OPCML: variants seen among roughly 807,000 people sequenced by gnomAD.
OPCML encodes opioid-binding protein/cell adhesion molecule.
A neutral mutation model predicts 37.8 loss-of-function variants in OPCML; 13 were observed. The observed-to-expected ratio is 0.34, with a 90% CI of 0.22 to 0.55. The LOEUF (loss-of-function observed/expected upper bound fraction) is 0.55, where lower values mean the gene tolerates loss of function less well. OPCML is among the 20% of genes least tolerant of loss of function. The pLI is 0.91. For missense variants in OPCML, 341 were observed against 435.6 expected (o/e 0.78, Z 1.93); for synonymous variants, 176 against 168.8 (o/e 1.04, Z -0.33).
intron 2 of OPCML, among the ~76,000 whole-genome samples, chr11:132,925,285 C>A (rs1944949896): frequency 6.6e-6 from 1 of 152,240 alleles, no homozygotes; most frequent in Admixed American, 6.5e-5. Flanking sequence ...GATGTTTTCT[C>A]TGTCTCTTCG....
rs1565467410 is a variant in OPCML, at chr11:133,140,565, A to AAGAAGG, written c.62-197556_62-197555insCCTTCT. 4.1e-5 allele frequency among the ~76,000 whole-genome samples: 6 copies of AAGAAGG among 147,432 alleles called. No individual in the cohort carries two copies. In the East Asian group the frequency reaches 1.2e-3, roughly 29 times the overall value. ...GAAGAAGAAGAAGAAGAAGAAGAAG[A>AAGAAGG]AGAAGAAGAAGAAAGAAGAAAAAAG... On this transcript the variant is annotated intron_variant, in intron 1 of 7. Coordinates refer to ENST00000524381, the MANE Select transcript of OPCML (RefSeq NM_001012393.5).
chr11:132,527,533 T>C lies in OPCML; in HGVS notation c.505+1528A>G, dbSNP rs1591509170. On this transcript the variant is annotated intron_variant, in intron 4 of 7. Transcript: ENST00000524381. ...TGCCATTCATATACTGTATCTTCTT[T>C]TGGAATTGCCCATTTTTTTTTTCAG... is the stretch of plus-strand genomic sequence containing the variant. Among the ~76,000 whole-genome samples the C allele has an allele frequency of 2.0e-5, 3 of 152,304 alleles. No homozygotes were observed. The East Asian group carries it at 5.8e-4, about 29-fold the overall frequency.
chr11:133,162,781 C>A (rs1474733709), intron 1 of OPCML, among the ~76,000 whole-genome samples: 1 of 152,216 alleles, frequency 6.6e-6, no homozygotes, highest in African/African-American at 2.4e-5. Context: ...CATGCATACA[C>A]GGTTGTTTCC....
intron 1 of OPCML, among the ~76,000 whole-genome samples, chr11:133,253,682 A>G (rs1312395789): frequency 1.3e-5 from 2 of 152,256 alleles, no homozygotes; most frequent in Non-Finnish European, 2.9e-5. Flanking sequence ...TAAAAGTGCT[A>G]TTATATCACT....
intron 1 of OPCML, among the ~76,000 whole-genome samples, chr11:133,294,259 G>C (rs1942566017): frequency 6.6e-6 from 1 of 152,046 alleles, no homozygotes; most frequent in Non-Finnish European, 1.5e-5. Context: ...CATCTGCTGG[G>C]AGGCAATCAC....
chr11:132,451,693 G>A (rs1425605014), intron 4 of OPCML, among the ~76,000 whole-genome samples: 1 of 152,242 alleles, frequency 6.6e-6, no homozygotes, highest in East Asian at 1.9e-4. Context: ...CTCCATCTAG[G>A]GCCCTAAAAG....
intron 1 of OPCML, among the ~76,000 whole-genome samples, chr11:133,010,349 T>C (rs185597150): frequency 6.6e-6 from 1 of 152,234 alleles, no homozygotes; most frequent in African/African-American, 2.4e-5. Flanking sequence ...GGATAATTTG[T>C]GAATAAATGG....
intron 1 of OPCML, chr11:133,421,919 T>C (rs1384590094): frequency 2.5e-6 from 1 of 405,334 alleles, no homozygotes; most frequent in Non-Finnish European, 3.3e-6. Flanking sequence ...GCCTCCAATC[T>C]TGGGAGTAGG....
chr11:133,411,714 G>A (rs1208994887), intron 1 of OPCML, among the ~76,000 whole-genome samples: 1 of 152,174 alleles, frequency 6.6e-6, no homozygotes, highest in Non-Finnish European at 1.5e-5. Context: ...ATGAGCAAGT[G>A]CCAGGCTCAG....
At chr11:132,950,865 T>C (rs73026205) in intron 1 of OPCML, among the ~76,000 whole-genome samples, 2,009 of 152,294 alleles carry the variant, frequency 0.013, 18 homozygotes, top group Non-Finnish European at 0.019. Context: ...TCTAACATTG[T>C]TTGGAGATGA....
intron 1 of OPCML, among the ~76,000 whole-genome samples, chr11:133,137,904 A>G (rs1259684457): frequency 1.3e-5 from 2 of 152,226 alleles, no homozygotes; most frequent in Non-Finnish European, 2.9e-5. Context: ...ACAGCAAATT[A>G]CATGCACCAA....
chr11:132,830,012 T>C (rs1437472877), intron 2 of OPCML, among the ~76,000 whole-genome samples: 3 of 152,188 alleles, frequency 2.0e-5, no homozygotes, highest in Non-Finnish European at 4.4e-5. Flanking sequence ...GCATTTACTA[T>C]AGCACAATGA....
intron 2 of OPCML, among the ~76,000 whole-genome samples, chr11:132,787,976 G>T: frequency 6.6e-6 from 1 of 152,176 alleles, no homozygotes; most frequent in East Asian, 1.9e-4. Context: ...CGCCTCCTGG[G>T]TTCAAGCGCT....
At chr11:132,839,855 T>A (rs1941212394) in intron 2 of OPCML, among the ~76,000 whole-genome samples, 1 of 152,230 alleles carries the variant, frequency 6.6e-6, no homozygotes, top group African/African-American at 2.4e-5. Flanking sequence ...CAATTCTGTC[T>A]CTCCCTTCGT....
chr11:132,768,001 A>G (rs1281583653), intron 2 of OPCML, among the ~76,000 whole-genome samples: 2 of 152,188 alleles, frequency 1.3e-5, no homozygotes, highest in Non-Finnish European at 2.9e-5. Flanking sequence ...TTGTCTATTC[A>G]AGGAGACACC....
At chr11:132,698,405 T>C (rs924963797) in intron 2 of OPCML, among the ~76,000 whole-genome samples, 1 of 152,206 alleles carries the variant, frequency 6.6e-6, no homozygotes, top group African/African-American at 2.4e-5. Flanking sequence ...ATGTTGAGTT[T>C]TTTTAAATAT....
intron 1 of OPCML, among the ~76,000 whole-genome samples, chr11:133,039,528 G>T (rs777195867): frequency 1.3e-5 from 2 of 152,078 alleles, no homozygotes; most frequent in Admixed American, 6.5e-5. Flanking sequence ...TATACCCATT[G>T]GATGGTGGTC....
intron 3 of OPCML, among the ~76,000 whole-genome samples, chr11:132,625,908 C>A (rs530643765): frequency 3.9e-5 from 6 of 152,200 alleles, no homozygotes; most frequent in African/African-American, 1.2e-4. Flanking sequence ...ACTGTTGGAA[C>A]TATAGGCTGT....
intron 3 of OPCML, among the ~76,000 whole-genome samples, chr11:132,639,507 T>C (rs1438870339): frequency 1.3e-5 from 2 of 152,224 alleles, no homozygotes; most frequent in Admixed American, 1.3e-4. Context: ...ATAGCAATCA[T>C]TGCAGCCCCT....
Sources: gnomAD v4.1 joint callset for allele counts (sites outside exome capture counted in the v4.1 genomes callset) on GRCh38, gnomAD v4.1.1 for gene constraint, MANE v1.5 for transcripts, NCBI Gene and HGNC (gene_info 2026-07-23, HGNC 2026-07-21) for gene names.